SLC25A19: variants seen among roughly 807,000 people sequenced by gnomAD.
SLC25A19 encodes the protein solute carrier family 25 member 19.
Under a neutral mutation model 27.9 loss-of-function variants are expected in SLC25A19, and 18 were observed. That is an observed-to-expected ratio of 0.64 (90% CI 0.45 to 0.96). SLC25A19 has a LOEUF of 0.96. SLC25A19 is among the 40% of genes least tolerant of loss of function. The pLI, the probability that SLC25A19 is intolerant of heterozygous loss-of-function variation, is 0.00. For synonymous variants in SLC25A19, 169 were observed against 167.1 expected (o/e 1.01, Z -0.09); for missense variants, 371 against 418.3 (o/e 0.89, Z 0.99).
In SLC25A19 at chr17:75,273,647, G is replaced by A. The variant is rs1321413428; in HGVS notation, c.775-8C>T. ...GCCCTTGTATCTCCGTACCTGGGGA[G>A]AGGAAAGGGATGAAAATATGGATGC... On this transcript the variant is annotated splice_region_variant and splice_polypyrimidine_tract_variant and intron_variant, in intron 7 of 7. Coordinates refer to ENST00000416858, the MANE Select transcript of SLC25A19 (RefSeq NM_001126121.2). The A allele has an allele frequency of 5.6e-6, 9 of 1,612,142 alleles. No individual in the cohort carries two copies. Among genetic ancestry groups the A allele is most frequent in the Non-Finnish European group, 7.6e-6 (9 of 1,179,778 alleles).
At chr17:75,286,973 G>A in intron 2 of SLC25A19, 171 bp from the exon 3 acceptor site, 1 of 601,512 alleles carries the variant, frequency 1.7e-6, no homozygotes, top group Non-Finnish European at 2.9e-6. Context: ...GGCCGAGGTG[G>A]GTGGATTGCT....
chr17:75,278,243 G>C lies in SLC25A19; in HGVS notation c.552C>G (p.Ala184=). The change falls in exon 6 of 8, where the codon GCC becomes GCG. Residue 184 remains alanine (A), a synonymous_variant. Transcript: ENST00000416858. ...FYKGLAPTLI[A]IFPYAGLQFS... ...ACTGCAGCCCGGCGTAGGGGAAGAT[G>C]GCGATCAAGGTGGGAGCCAAGCCTT... The C allele has an allele frequency of 2.5e-6, 4 of 1,614,100 alleles. No homozygotes were observed. Among genetic ancestry groups the C allele is most frequent in the Non-Finnish European group, 3.4e-6 (4 of 1,180,028 alleles).
At chr17:75,286,025 C>T (rs1037983841) in intron 4 of SLC25A19, among the ~76,000 whole-genome samples, 18 of 152,176 alleles carry the variant, frequency 1.2e-4, no homozygotes, top group Admixed American at 2.6e-4. Context: ...AACTGAAATG[C>T]ATTAGTGCTG....
chr17:75,283,305 A>C, intron 5 of SLC25A19, 118 bp downstream of exon 5: 2 of 1,189,756 alleles, frequency 1.7e-6, no homozygotes, highest in Non-Finnish European at 1.1e-6. Flanking sequence ...TGTCTCAAAC[A>C]AAACAAAACA....
At position 75,283,493 on chromosome 17, in the gene SLC25A19, C is replaced by T. The variant is rs757883741; in HGVS notation, c.389G>A (p.Cys130Tyr). 4 of 1,613,416 alleles carry T rather than the reference C, an allele frequency of 2.5e-6. No homozygotes were observed. The highest frequency in any genetic ancestry group is 3.4e-6 in the Non-Finnish European group (4 of 1,179,866). The part of the protein sequence containing the change: ...VHFVCGGLAA[C>Y]MATLTVHPVD... ...GGGGTGCACAGTGAGGGTGGCCATA[C>T]AGGCAGCCAGGCCACCACATACAAA... The change falls in exon 5 of 8, where the codon TGT (cysteine) becomes TAT (tyrosine). Residue 130 changes from cysteine (C) to tyrosine (Y), a missense_variant. Cys to Tyr is a radical substitution (Grantham distance 194, BLOSUM62 -2). Coordinates refer to ENST00000416858, the MANE Select transcript of SLC25A19 (RefSeq NM_001126121.2).
intron 5 of SLC25A19, 150 bp downstream of exon 5, chr17:75,283,273 C>A: frequency 2.4e-6 from 2 of 819,598 alleles, no homozygotes. Flanking sequence ...TGCACTCCAG[C>A]CTGCATGACA....
Position 75,283,115 on chromosome 17 carries a change from T to C in SLC25A19, c.459+308A>G, listed in dbSNP as rs953426457. 1.8e-3 allele frequency among the ~76,000 whole-genome samples: 265 copies of C among 150,814 alleles called. 2 individuals carry two copies. The highest frequency in any genetic ancestry group is 6.0e-3 in the African/African-American group (247 of 41,166). The stretch of plus-strand genomic sequence containing the variant: ...GAGATCGAGACCATCCTGGCTAACA[T>C]GGTGAAACCCCGTCTCTACTAAAAA... On this transcript the variant is annotated intron_variant, in intron 5 of 7. Coordinates refer to ENST00000416858, the MANE Select transcript of SLC25A19 (RefSeq NM_001126121.2).
In SLC25A19 at chr17:75,289,361, G is replaced by T. The variant is rs566054665; in HGVS notation, c.-136C>A. 6.6e-6 allele frequency: 1 copy of T among 152,026 alleles called. No individual in the cohort carries two copies. Among genetic ancestry groups the T allele is most frequent in the Non-Finnish European group, 1.5e-5 (1 of 68,164 alleles). The allele number at this position is 152,026 out of a possible 1,614,324, so 9.4% of individuals were successfully genotyped here. A position where few individuals can be genotyped will look rare whatever the true frequency, so the allele number is the denominator to read the frequency against. On this transcript the variant is annotated 5_prime_UTR_variant, in exon 1 of 8. Transcript: ENST00000416858. ...GAGGTAGAGGTTACTCACACGGCTC[G>T]GCGGGTGCGGCCCGGCTCAGCGCTC... is the stretch of plus-strand genomic sequence containing the variant.
At chr17:75,285,899 GTGGCCT>G (rs2078169551) in intron 4 of SLC25A19, among the ~76,000 whole-genome samples, 1 of 152,212 alleles carries the variant, frequency 6.6e-6, no homozygotes. Context: ...TGCAGGCTGT[GTGGCCT>G]CGGACAGCTG....
At chr17:75,284,633 C>CATTTTTTTTTTTTTTTTTTTT (rs776356552) in intron 4 of SLC25A19, among the ~76,000 whole-genome samples, 2 of 112,292 alleles carry the variant, frequency 1.8e-5, no homozygotes, top group Non-Finnish European at 1.8e-5. Context: ...TCAGATCTTT[C>CATTTTTTTTTTTTTTTTTTTT]TTTTTTTTTT....
chr17:75,278,115 G>C, intron 6 of SLC25A19, 37 bp downstream of exon 6: 1 of 1,608,434 alleles, frequency 6.2e-7, no homozygotes, highest in South Asian at 1.1e-5. Flanking sequence ...TGGTGGCTGG[G>C]GTGGGAGGGC....
At position 75,286,324 on chromosome 17, in the gene SLC25A19, T is replaced by C. The variant is rs754550044; in HGVS notation, c.268A>G (p.Ile90Val). The change falls in exon 4 of 8, where the codon ATA (isoleucine) becomes GTA (valine). Residue 90 changes from isoleucine to valine, a missense_variant. Coordinates refer to ENST00000416858, the MANE Select transcript of SLC25A19 (RefSeq NM_001126121.2). ...KGHVPAQILS[I>V]GYGAVQFLSF... Reference sequence around the variant, plus strand: ...CCTACTTGGACAGCTCCATAGCCTATGGAGAGAATCTGAGCTGGGACGTGT... The same window carrying C: ...CCTACTTGGACAGCTCCATAGCCTACGGAGAGAATCTGAGCTGGGACGTGT... 9.3e-6 allele frequency: 15 copies of C among 1,613,928 alleles called. No individual in the cohort carries two copies. The highest frequency in any genetic ancestry group is 1.7e-5 in the Admixed American group (1 of 59,984).
At chr17:75,273,715 CT>C in intron 7 of SLC25A19, 76 bp from the exon 8 acceptor site, 1 of 1,346,348 alleles carries the variant, frequency 7.4e-7, no homozygotes. Context: ...CATCACAGAT[CT>C]TAAGAAGTAC....
chr17:75,277,230 C>A (rs759820314), intron 7 of SLC25A19, 123 bp downstream of exon 7: 1 of 1,270,304 alleles, frequency 7.9e-7, no homozygotes, highest in Admixed American at 2.1e-5. Flanking sequence ...AAGGAATGGA[C>A]GCAGGTGAAG....
At chr17:75,274,973 C>CTTTTTTTTTTTTTTTTTTTTTT in intron 7 of SLC25A19, among the ~76,000 whole-genome samples, 1 of 47,174 alleles carries the variant, frequency 2.1e-5, no homozygotes, top group Non-Finnish European at 3.7e-5. Flanking sequence ...GGATTTTGGT[C>CTTTTTTTTTTTTTTTTTTTTTT]TTTTTTTTTT....
rs759714012 is a variant in SLC25A19 at position 75,283,458 on chromosome 17, G to T, written c.424C>A (p.Leu142Met). ...ATLTVHPVDV[L>M]RTRFAAQGEP... ...CCCTGAGCTGCAAAGCGGGTGCGCA[G>T]AACATCCACGGGGTGCACAGTGAGG... The change falls in exon 5 of 8, where the codon CTG (leucine) becomes ATG (methionine). Residue 142 changes from leucine (L) to methionine (M), a missense_variant. Leu to Met is a conservative substitution (Grantham distance 15). Transcript: ENST00000416858. 12 of 1,612,684 alleles carry T rather than the reference G, an allele frequency of 7.4e-6. No individual in the cohort carries two copies. The South Asian group carries it at 1.3e-4, about 18-fold the overall frequency.
intron 5 of SLC25A19, among the ~76,000 whole-genome samples, chr17:75,279,713 T>C (rs1387625285): frequency 2.6e-5 from 4 of 151,926 alleles, no homozygotes; most frequent in Admixed American, 1.3e-4. Context: ...TTCATCATGT[T>C]GGCCAGGATG....
chr17:75,289,194 T>A (rs1048838075), intron 1 of SLC25A19, 160 bp downstream of exon 1: 5 of 152,348 alleles, frequency 3.3e-5, no homozygotes, highest in Admixed American at 2.6e-4. Context: ...GCCGCCGGTG[T>A]CCCTGGAGAT....
At chr17:75,286,608 T>G in intron 3 of SLC25A19, 25 bp downstream of exon 3, 1 of 1,614,086 alleles carries the variant, frequency 6.2e-7, no homozygotes, top group East Asian at 2.2e-5. Context: ...CTCCAGTCCA[T>G]TGCATGGAAA....
Sources: allele counts gnomAD v4.1 joint callset (sites outside exome capture counted in the v4.1 genomes callset), GRCh38; gene constraint gnomAD v4.1.1; transcripts MANE v1.5; gene names NCBI Gene and HGNC (gene_info 2026-07-23, HGNC 2026-07-21).